SNX29: variants seen among roughly 807,000 people sequenced by gnomAD.
SNX29 encodes sorting nexin-29.
A neutral mutation model predicts 102.1 loss-of-function variants in SNX29; 78 were observed. That is an observed-to-expected ratio of 0.76 (90% CI 0.64 to 0.92). The LOEUF is 0.92. SNX29 is among the 40% of genes least tolerant of loss of function. The pLI is 0.00. For missense variants in SNX29, 1,280 were observed against 1,061.7 expected (o/e 1.21, Z -2.86); for synonymous variants, 580 against 414.5 (o/e 1.40, Z -4.85).
intron 14 of SNX29, among the ~76,000 whole-genome samples, chr16:12,270,932 A>G (rs1458730314): frequency 6.6e-6 from 1 of 152,110 alleles, no homozygotes; most frequent in Non-Finnish European, 1.5e-5. Context: ...AATCCCAGCT[A>G]CTCAAGAGGC....
intron 15 of SNX29, among the ~76,000 whole-genome samples, chr16:12,324,299 C>T (rs2081049158): frequency 6.6e-6 from 1 of 151,998 alleles, no homozygotes; most frequent in Non-Finnish European, 1.5e-5. Flanking sequence ...AGTTCCAGGC[C>T]AGTGGTATAA....
At chr16:12,012,519 C>T (rs1254104925) in intron 3 of SNX29, among the ~76,000 whole-genome samples, 1 of 152,128 alleles carries the variant, frequency 6.6e-6, no homozygotes, top group African/African-American at 2.4e-5. Context: ...AGTGATTCTC[C>T]TGCCTCAGCC....
At chr16:12,442,957 T>C in intron 18 of SNX29, 4 of 455,426 alleles carry the variant, frequency 8.8e-6, no homozygotes, top group Non-Finnish European at 1.8e-5. Context: ...ACTTTGCCCA[T>C]GCTAAAGAAT....
intron 3 of SNX29, among the ~76,000 whole-genome samples, chr16:12,025,075 G>A (rs1421519089): frequency 6.6e-6 from 1 of 152,036 alleles, no homozygotes; most frequent in Non-Finnish European, 1.5e-5. Flanking sequence ...GCCAAGGCGG[G>A]CAGATCACCT....
At chr16:12,114,117 C>T (rs189052252) in intron 11 of SNX29, among the ~76,000 whole-genome samples, 57 of 152,340 alleles carry the variant, frequency 3.7e-4, no homozygotes, top group African/African-American at 1.3e-3. Flanking sequence ...CGTTGCCTCC[C>T]GTGCCAACTC....
At chr16:12,120,875 G>C (rs1370856294) in intron 11 of SNX29, among the ~76,000 whole-genome samples, 2 of 152,180 alleles carry the variant, frequency 1.3e-5, no homozygotes, top group African/African-American at 4.8e-5. Context: ...AATGGAAAAA[G>C]CTCAACGGGA....
chr16:12,053,701 T>A lies in SNX29; in HGVS notation c.1124+1479T>A, dbSNP rs147429871. 3.7e-3 allele frequency among the ~76,000 whole-genome samples: 556 copies of A among 152,154 alleles called. 4 individuals carry two copies. The highest frequency in any genetic ancestry group is 0.013 in the African/African-American group (532 of 41,524). On this transcript the variant is annotated intron_variant, in intron 8 of 20. Transcript: ENST00000566228. ...TTTCTGATGAGACTGTGCCTATTAT[T>A]GTTTTTTATTTTTACTCTAGTCCTC... is the stretch of plus-strand genomic sequence containing the variant.
chr16:12,328,614 A>G (rs2081195166), intron 15 of SNX29, among the ~76,000 whole-genome samples: 1 of 152,176 alleles, frequency 6.6e-6, no homozygotes, highest in African/African-American at 2.4e-5. Flanking sequence ...CTTCTCGGTC[A>G]GCTCCACTGT....
Position 11,984,816 on chromosome 16 carries a change from G to A in SNX29, c.7+8003G>A, listed in dbSNP as rs567519919. On this transcript the variant is annotated intron_variant, in intron 1 of 20. Coordinates refer to ENST00000566228, the MANE Select transcript of SNX29 (RefSeq NM_032167.5). ...GGACTAAAGGTGCGCCACCACACCC[G>A]TCTAACTTTTTCATTTGGTGTAGAG... is the stretch of plus-strand genomic sequence containing the variant. 3.4e-4 allele frequency among the ~76,000 whole-genome samples: 52 copies of A among 152,108 alleles called. 1 individual carries two copies. Among genetic ancestry groups the A allele is most frequent in the Non-Finnish European group, 1.8e-4 (12 of 67,988 alleles).
intron 14 of SNX29, among the ~76,000 whole-genome samples, chr16:12,240,706 C>T (rs1453532301): frequency 2.8e-5 from 4 of 141,408 alleles, no homozygotes; most frequent in Non-Finnish European, 6.0e-5. Flanking sequence ...TTCAGGTGAT[C>T]CTCCCTCTTC....
chr16:12,087,722 G>T, intron 11 of SNX29: 1 of 403,038 alleles, frequency 2.5e-6, no homozygotes, highest in East Asian at 7.1e-5. Context: ...CTGGTCCATT[G>T]TACAGATGAG....
chr16:12,427,520 C>G (rs1034424060), intron 18 of SNX29, among the ~76,000 whole-genome samples: 22 of 151,878 alleles, frequency 1.4e-4, no homozygotes, highest in African/African-American at 5.3e-4. Flanking sequence ...AATTGGGGAA[C>G]TGATAAAAGA....
intron 11 of SNX29, among the ~76,000 whole-genome samples, chr16:12,125,780 G>C (rs1392513498): frequency 1.3e-5 from 2 of 151,932 alleles, no homozygotes; most frequent in African/African-American, 2.4e-5. Context: ...GCTACTTGAG[G>C]CAGTACTTGC....
At chr16:12,519,442 C>G (rs902169815) in intron 19 of SNX29, among the ~76,000 whole-genome samples, 1 of 152,180 alleles carries the variant, frequency 6.6e-6, no homozygotes, top group African/African-American at 2.4e-5. Context: ...CAGGCTAGGT[C>G]TTAGATAACA....
At chr16:11,980,270 C>T (rs2055385481) in intron 1 of SNX29, among the ~76,000 whole-genome samples, 1 of 152,066 alleles carries the variant, frequency 6.6e-6, no homozygotes, top group African/African-American at 2.4e-5. Context: ...CAGTATGTGA[C>T]CTCTCTTATC....
rs549121639 is a variant in SNX29 at position 12,032,366 on chromosome 16, C to A, written c.247+4922C>A. On this transcript the variant is annotated intron_variant, in intron 4 of 20. Coordinates refer to ENST00000566228, the MANE Select transcript of SNX29 (RefSeq NM_032167.5). ...GAGATTATAGGCACATGCCACCATG[C>A]CCGGCTAATTTTTGTATTTTTAGTA... Among the ~76,000 whole-genome samples the A allele has an allele frequency of 1.3e-3, 196 of 152,116 alleles. 2 individuals carry two copies. The highest frequency in any genetic ancestry group is 4.4e-3 in the African/African-American group (183 of 41,504).
chr16:12,561,348 C>A (rs534282522), intron 20 of SNX29, among the ~76,000 whole-genome samples: 1 of 151,946 alleles, frequency 6.6e-6, no homozygotes, highest in East Asian at 1.9e-4. Flanking sequence ...GTGAGACTCA[C>A]AGACTTATGA....
intron 13 of SNX29, among the ~76,000 whole-genome samples, chr16:12,147,808 G>C (rs897021520): frequency 2.6e-5 from 4 of 152,284 alleles, no homozygotes; most frequent in African/African-American, 9.6e-5. Flanking sequence ...ATGAAGCCTG[G>C]GTCTTAAATA....
chr16:12,191,176 C>A (rs2076633146), intron 13 of SNX29, among the ~76,000 whole-genome samples: 1 of 152,236 alleles, frequency 6.6e-6, no homozygotes, highest in Admixed American at 6.5e-5. Flanking sequence ...AGGGTTCGTG[C>A]TCCTATGAGA....
Sources: gnomAD v4.1 joint callset for allele counts (sites outside exome capture counted in the v4.1 genomes callset) on GRCh38, gnomAD v4.1.1 for gene constraint, MANE v1.5 for transcripts, NCBI Gene and HGNC (gene_info 2026-07-23, HGNC 2026-07-21) for gene names.